The following PDE6B variants were observed in gnomAD, a reference collection of about 807,000 sequenced individuals.
The protein encoded by PDE6B is phosphodiesterase 6B.
In PDE6B, 106 loss-of-function variants were observed where a neutral mutation model predicts 109.0. The observed-to-expected ratio is 0.97, with a 90% CI of 0.83 to 1.14. The LOEUF (loss-of-function observed/expected upper bound fraction) is 1.14. PDE6B is among the 50% of genes most tolerant of loss of function. The pLI, the probability that PDE6B is intolerant of heterozygous loss-of-function variation, is 0.00. For missense variants in PDE6B, 1,193 were observed against 1,155.6 expected, an observed-to-expected ratio of 1.03 and a Z score of -0.47; for synonymous variants, 490 against 471.3, an observed-to-expected ratio of 1.04 and a Z score of -0.51.
At chr4:658,132 C>T (rs1453227441) in intron 10 of PDE6B, among the ~76,000 whole-genome samples, 4 of 125,662 alleles carry the variant, frequency 3.2e-5, no homozygotes, top group South Asian at 2.7e-4. Context: ...CCAGGGGTCA[C>T]AGCTGTGCGG....
Position 665,063 on chromosome 4 carries a change from C to A in PDE6B, c.2193+119C>A. ...GTTTGCAAGGAGCTCTGAGGGCCAC[C>A]TCGGGGCCAGGCCAGGGCGGCAAGG... is the stretch of plus-strand genomic sequence containing the variant. On this transcript the variant is annotated intron_variant, in intron 18 of 21. Coordinates refer to ENST00000496514, the MANE Select transcript of PDE6B (RefSeq NM_000283.4). The surrounding 1 kb of genome is among the most constrained non-coding windows in gnomAD (Gnocchi z 4.0). 1.1e-6 allele frequency: 1 copy of A among 912,906 alleles called. No homozygotes were observed. The highest frequency in any genetic ancestry group is 1.8e-6 in the Non-Finnish European group (1 of 556,462). The allele number at this position is 912,906 out of a possible 1,614,324, so 56.6% of individuals were successfully genotyped here. A position where few individuals can be genotyped will look rare whatever the true frequency, so the allele number is the denominator to read the frequency against.
At chr4:642,986 A>C (rs1257292305) in intron 3 of PDE6B, among the ~76,000 whole-genome samples, 1 of 152,152 alleles carries the variant, frequency 6.6e-6, no homozygotes, top group African/African-American at 2.4e-5. Flanking sequence ...TACATTGTTA[A>C]ATCGGTCTTG....
rs374336467 is a variant in PDE6B at position 657,318 on chromosome 4, G to A, written c.1258-33G>A. On this transcript the variant is annotated intron_variant, in intron 9 of 21. Transcript: ENST00000496514. ...ACATGGGAGGGGGCGCGCCGGGAGC[G>A]CTGAGCGCCAGTGACACTGCCATCC... 3.7e-4 allele frequency: 603 copies of A among 1,611,806 alleles called. 3 individuals carry two copies. In the South Asian group the frequency reaches 4.3e-3, roughly 12 times the overall value.
intron 3 of PDE6B, among the ~76,000 whole-genome samples, chr4:637,751 C>T (rs577383656): frequency 1.2e-3 from 177 of 152,334 alleles, no homozygotes; most frequent in African/African-American, 4.0e-3. Flanking sequence ...CCTGCGTGTG[C>T]GCAGAGCTGC....
chr4:663,697 G>T lies in PDE6B; in HGVS notation c.1921-73G>T. ...GTGAGAGGCACAGGCAGCCGAGGCG[G>T]AAGGGGCGGGGTCCCCGGGCACCCT... On this transcript the variant is annotated intron_variant, in intron 15 of 21. Coordinates refer to ENST00000496514, the MANE Select transcript of PDE6B (RefSeq NM_000283.4). This position sits in a 1 kb window ranked among gnomAD's most constrained non-coding sequence, Gnocchi z 4.0. The T allele has an allele frequency of 9.0e-7, 1 of 1,110,246 alleles. No homozygotes were observed. Among genetic ancestry groups the T allele is most frequent in the Admixed American group, 1.8e-5 (1 of 55,272 alleles). The allele number at this position is 1,110,246 out of a possible 1,614,324, so 68.8% of individuals were successfully genotyped here.
At chr4:631,422 A>G (rs565200133) in intron 1 of PDE6B, among the ~76,000 whole-genome samples, 1 of 145,050 alleles carries the variant, frequency 6.9e-6, no homozygotes, top group African/African-American at 2.6e-5. Context: ...GGCTCCATCT[A>G]AGAGTCACAT....
At chr4:659,787 G>GAT (rs576268042) in intron 11 of PDE6B, among the ~76,000 whole-genome samples, 191 of 152,220 alleles carry the variant, frequency 1.3e-3, no homozygotes, top group East Asian at 4.1e-3. Context: ...TGTGCACATG[G>GAT]ATATATATAG....
chr4:657,491 C>G lies in PDE6B; in HGVS notation c.1398C>G (p.Ile466Met). 1 of 1,612,596 alleles carries G rather than the reference C, an allele frequency of 6.2e-7. No homozygotes were observed. Among genetic ancestry groups the G allele is most frequent in the Admixed American group, 1.7e-5 (1 of 60,004 alleles). The stretch of plus-strand genomic sequence containing the variant: ...GCGACAGGGACGAGATCCAGCTCAT[C>G]CTGGTGCGGCGGGGCAGGACGTCCA... Reference protein sequence around the residue: ...VKCDRDEIQLILPTRARLGKE... With the variant: ...VKCDRDEIQLMLPTRARLGKE... Residue 466 changes from isoleucine to methionine, a missense_variant, in exon 10 of 22, where the codon ATC becomes ATG. Ile to Met is a conservative substitution (Grantham distance 10). Coordinates refer to ENST00000496514, the MANE Select transcript of PDE6B (RefSeq NM_000283.4).
intron 3 of PDE6B, among the ~76,000 whole-genome samples, chr4:647,185 C>T (rs943999477): frequency 2.6e-5 from 4 of 152,136 alleles, no homozygotes; most frequent in East Asian, 1.9e-4. Flanking sequence ...AATTCCCAGT[C>T]TGATAATTCC....
chr4:628,408 G>A (rs571909705), intron 1 of PDE6B, among the ~76,000 whole-genome samples: 50 of 152,282 alleles, frequency 3.3e-4, no homozygotes, highest in African/African-American at 1.1e-3. Flanking sequence ...TGGCCAGCAC[G>A]CAACACCCGG....
At chr4:660,331 C>T (rs551237483) in intron 11 of PDE6B, 136 bp from the exon 12 acceptor site, 215 of 871,668 alleles carry the variant, frequency 2.5e-4, no homozygotes, top group Admixed American at 4.2e-4. Context: ...CAGGCTGGAG[C>T]GCCAGGAATG....
In PDE6B at chr4:670,607, A is replaced by G. The variant is rs544233944; in HGVS notation, c.*500A>G. The G allele has an allele frequency of 1.1e-4, 20 of 189,628 alleles. No homozygotes were observed. The highest frequency in any genetic ancestry group is 2.1e-4 in the Admixed American group (4 of 18,776). The allele number at this position is 189,628 out of a possible 1,614,324, so 11.7% of individuals were successfully genotyped here. A position where few individuals can be genotyped will look rare whatever the true frequency, so the allele number is the denominator to read the frequency against. ...CTACATTACTCATCCATTTTTGGATAGTTACCACTGGGAGACCTTTGAAAA... is the reference window on the plus strand; with the variant it reads ...CTACATTACTCATCCATTTTTGGATGGTTACCACTGGGAGACCTTTGAAAA... On this transcript the variant is annotated 3_prime_UTR_variant, in exon 22 of 22. Coordinates refer to ENST00000496514, the MANE Select transcript of PDE6B (RefSeq NM_000283.4).
intron 1 of PDE6B, 51 bp from the exon 2 acceptor site, chr4:634,626 C>T: frequency 6.6e-7 from 1 of 1,504,182 alleles, no homozygotes; most frequent in Non-Finnish European, 9.3e-7. Context: ...GGTGCGGGCT[C>T]CAGGCCCACG....
At chr4:654,919 CG>C in intron 6 of PDE6B, 31 bp downstream of exon 6, 6 of 1,277,684 alleles carry the variant, frequency 4.7e-6, no homozygotes, top group Non-Finnish European at 5.7e-6. Context: ...GAAGCGTCCC[CG>C]GGGGAGGGAC....
chr4:653,986 G>A lies in PDE6B; in HGVS notation c.846G>A (p.Lys282=). ...CCGTGGGCCTCCTGGACATGACCAAGGAGAAGGTGAGGCTTCCGTGGCTCA... is the reference window on the plus strand; with the variant it reads ...CCGTGGGCCTCCTGGACATGACCAAAGAGAAGGTGAGGCTTCCGTGGCTCA... ...RYSVGLLDMT[K]EKEFFDVWSV... The change falls in exon 4 of 22, where the codon AAG becomes AAA. Residue 282 remains lysine (K), a synonymous_variant. Coordinates refer to ENST00000496514, the MANE Select transcript of PDE6B (RefSeq NM_000283.4). 1 of 1,613,912 alleles carries A rather than the reference G, an allele frequency of 6.2e-7. No individual in the cohort carries two copies. Among genetic ancestry groups the A allele is most frequent in the East Asian group, 2.2e-5 (1 of 44,890 alleles).
chr4:634,392 G>A (rs1734538593), intron 1 of PDE6B, among the ~76,000 whole-genome samples: 1 of 152,154 alleles, frequency 6.6e-6, no homozygotes, highest in Non-Finnish European at 1.5e-5. Context: ...TGCGTGAGGT[G>A]CCAGGCAGGG....
rs141560869 is a variant in PDE6B at position 657,011 on chromosome 4, G to A, written c.1245G>A (p.Glu415=). The A allele has an allele frequency of 1.9e-6, 3 of 1,613,100 alleles. No homozygotes were observed. Among genetic ancestry groups the A allele is most frequent in the Non-Finnish European group, 2.5e-6 (3 of 1,179,972 alleles). The change falls in exon 9 of 22, where the codon GAG becomes GAA. Residue 415 remains glutamate (E), a synonymous_variant. Coordinates refer to ENST00000496514, the MANE Select transcript of PDE6B (RefSeq NM_000283.4). ...GGAAGCCCTTTGACGAACAGGACGAGGTTCTCATGGAGGTAAGCACCTGGG... is the reference window on the plus strand; with the variant it reads ...GGAAGCCCTTTGACGAACAGGACGAAGTTCTCATGGAGGTAAGCACCTGGG... ...KDGKPFDEQD[E]VLMESLTQFL... is the part of the protein sequence containing the mutation.
chr4:655,585 A>G (rs976375488), intron 6 of PDE6B: 3 of 399,638 alleles, frequency 7.5e-6, no homozygotes, highest in South Asian at 4.4e-5. Context: ...GGGAGGAGGA[A>G]GAAGGCAGCA....
At chr4:654,537 G>T in intron 5 of PDE6B, 2 of 597,028 alleles carry the variant, frequency 3.3e-6, no homozygotes, top group Admixed American at 2.6e-5. Context: ...TGGGAAGACA[G>T]ATGTAAACCG....
Sources: allele counts gnomAD v4.1 joint callset (sites outside exome capture counted in the v4.1 genomes callset), GRCh38; gene constraint gnomAD v4.1.1; non-coding constraint Gnocchi (gnomAD v3.1); transcripts MANE v1.5; gene names NCBI Gene and HGNC (gene_info 2026-07-23, HGNC 2026-07-21).